The following UBE2U variants were observed in gnomAD, a reference collection of about 807,000 sequenced individuals.
The protein encoded by UBE2U is ubiquitin conjugating enzyme E2 U, also known as ubiquitin-conjugating enzyme E2 U.
Under a neutral mutation model 41.2 loss-of-function variants are expected in UBE2U, and 39 were observed. The ratio of observed to expected loss-of-function variants is 0.95; its 90% CI spans 0.73 to 1.24. The LOEUF is 1.24. Among genes scored for constraint, UBE2U ranks in the 50% most tolerant of loss-of-function variants. UBE2U has a pLI of 0.00. For synonymous variants in UBE2U, 107 were observed against 117.8 expected (o/e 0.91, Z 0.60); for missense variants, 336 against 363.1 (o/e 0.93, Z 0.61).
At chr1:64,260,169 G>A (rs1645159501) in intron 8 of UBE2U, among the ~76,000 whole-genome samples, 1 of 152,050 alleles carries the variant, frequency 6.6e-6, no homozygotes, top group Admixed American at 6.6e-5. Context: ...TCTTCCCTAG[G>A]GCTTTCCGAG....
At chr1:64,239,742 T>C (rs936140973) in intron 7 of UBE2U, among the ~76,000 whole-genome samples, 2 of 152,094 alleles carry the variant, frequency 1.3e-5, no homozygotes, top group African/African-American at 4.8e-5. Context: ...TGTATATGTG[T>C]CACATTTTCT....
At chr1:64,222,199 G>C (rs1012634526) in intron 6 of UBE2U, among the ~76,000 whole-genome samples, 2 of 152,016 alleles carry the variant, frequency 1.3e-5, no homozygotes, top group African/African-American at 4.8e-5. Flanking sequence ...CACTAAGTTG[G>C]TATTCAATAG....
intron 2 of UBE2U, 91 bp downstream of exon 2, chr1:64,205,811 T>A: frequency 1.0e-6 from 1 of 988,488 alleles, no homozygotes; most frequent in Non-Finnish European, 1.5e-6. Context: ...GGTCGCATTA[T>A]ATAAATTTCC....
chr1:64,260,094 T>C (rs1195132071), intron 8 of UBE2U, among the ~76,000 whole-genome samples: 1 of 151,964 alleles, frequency 6.6e-6, no homozygotes, highest in East Asian at 1.9e-4. Flanking sequence ...GTGATGCAGC[T>C]ATAAGCCATA....
intron 5 of UBE2U, 54 bp downstream of exon 5, chr1:64,214,986 A>G: frequency 7.0e-7 from 1 of 1,425,830 alleles, no homozygotes; most frequent in Non-Finnish European, 9.9e-7. Flanking sequence ...TAATCCCAAC[A>G]CTTTGGGAGG....
chr1:64,204,284 A>G (rs1237563712), intron 1 of UBE2U, among the ~76,000 whole-genome samples, 168 bp downstream of exon 1: 1 of 152,232 alleles, frequency 6.6e-6, no homozygotes, highest in Non-Finnish European at 1.5e-5. Flanking sequence ...CATATTAATA[A>G]CAATTATTAT....
At chr1:64,216,173 T>C (rs1007984892) in intron 5 of UBE2U, among the ~76,000 whole-genome samples, 3 of 152,198 alleles carry the variant, frequency 2.0e-5, no homozygotes, top group African/African-American at 7.2e-5. Flanking sequence ...ATGGTGTTGA[T>C]CAAGCATCTT....
At chr1:64,207,206 A>G (rs894621101) in intron 3 of UBE2U, among the ~76,000 whole-genome samples, 1 of 152,084 alleles carries the variant, frequency 6.6e-6, no homozygotes, top group Non-Finnish European at 1.5e-5. Context: ...GCTGGAATGC[A>G]GTGGTGTGAT....
At chr1:64,218,933 T>G (rs1652224470) in intron 5 of UBE2U, among the ~76,000 whole-genome samples, 1 of 152,224 alleles carries the variant, frequency 6.6e-6, no homozygotes, top group Non-Finnish European at 1.5e-5. Flanking sequence ...GGAGCCCTCT[T>G]TCCTGTGGCA....
intron 6 of UBE2U, among the ~76,000 whole-genome samples, chr1:64,232,115 C>G (rs1469272299): frequency 6.6e-6 from 1 of 152,168 alleles, no homozygotes; most frequent in African/African-American, 2.4e-5. Context: ...AAACTAATCT[C>G]AATTCTAATA....
chr1:64,214,584 C>T (rs1651864135), intron 4 of UBE2U, among the ~76,000 whole-genome samples: 1 of 152,092 alleles, frequency 6.6e-6, no homozygotes, highest in Non-Finnish European at 1.5e-5. Flanking sequence ...CAGAAAGGAA[C>T]TTGTAACTTG....
chr1:64,265,217 A>G (rs1429457258), intron 9 of UBE2U, among the ~76,000 whole-genome samples: 1 of 152,096 alleles, frequency 6.6e-6, no homozygotes, highest in Non-Finnish European at 1.5e-5. Context: ...GTCCTTCGTG[A>G]CATTGTGGAG....
At chr1:64,264,908 C>T (rs975740725) in intron 9 of UBE2U, among the ~76,000 whole-genome samples, 1 of 152,032 alleles carries the variant, frequency 6.6e-6, no homozygotes, top group Non-Finnish European at 1.5e-5. Context: ...TGAAAGCACG[C>T]CACCGCACTC....
intron 8 of UBE2U, among the ~76,000 whole-genome samples, chr1:64,247,704 A>AAAT (rs1294121153): frequency 6.6e-6 from 1 of 152,066 alleles, no homozygotes; most frequent in Non-Finnish European, 1.5e-5. Flanking sequence ...TCTCTACAAA[A>AAAT]AATTAAAAAC....
At chr1:64,264,791 A>G (rs961166903) in intron 9 of UBE2U, among the ~76,000 whole-genome samples, 1 of 149,624 alleles carries the variant, frequency 6.7e-6, no homozygotes, top group Non-Finnish European at 1.5e-5. Context: ...CATCCCTACT[A>G]AAAAAAAAAT....
In UBE2U at chr1:64,254,996, A is replaced by G. The variant is rs192404553; in HGVS notation, c.678-5607A>G. On this transcript the variant is annotated intron_variant, in intron 8 of 9. Transcript: ENST00000371077. The stretch of plus-strand genomic sequence containing the variant: ...ACAAATTCAGGAGCTGTGTTTTTGA[A>G]AAAAAATTAATAAAATAGACCACTA... Among the ~76,000 whole-genome samples the G allele has an allele frequency of 6.4e-3, 967 of 152,236 alleles. 2 individuals carry two copies. The highest frequency in any genetic ancestry group is 0.011 in the Non-Finnish European group (731 of 67,986).
chr1:64,258,931 CCCA>C (rs1225931384), intron 8 of UBE2U, among the ~76,000 whole-genome samples: 15 of 152,326 alleles, frequency 9.8e-5, no homozygotes, highest in Middle Eastern at 6.8e-3. Context: ...AGTTTACACT[CCCA>C]CCAACAGTGT....
chr1:64,254,962 A>T (rs990196914), intron 8 of UBE2U, among the ~76,000 whole-genome samples: 13 of 152,074 alleles, frequency 8.5e-5, no homozygotes, highest in Admixed American at 2.6e-4. Context: ...AAAAACCCTT[A>T]AAAAATCAAC....
At chr1:64,248,011 A>G (rs1644949379) in intron 8 of UBE2U, among the ~76,000 whole-genome samples, 1 of 152,198 alleles carries the variant, frequency 6.6e-6, no homozygotes, top group Non-Finnish European at 1.5e-5. Flanking sequence ...TCCAGCCAGC[A>G]GAATTGTGAG....
Sources: allele counts gnomAD v4.1 joint callset (sites outside exome capture counted in the v4.1 genomes callset), GRCh38; gene constraint gnomAD v4.1.1; transcripts MANE v1.5; gene names NCBI Gene and HGNC (gene_info 2026-07-23, HGNC 2026-07-21).